Variants in WWTR1 observed in about 807,000 individuals in gnomAD.
WWTR1 encodes the protein WW domain-containing transcription regulator protein 1.
In WWTR1, 13 loss-of-function variants were observed where a neutral mutation model predicts 40.1. The ratio of observed to expected loss-of-function variants is 0.32; its 90% confidence interval spans 0.21 to 0.52. The LOEUF (loss-of-function observed/expected upper bound fraction) is 0.52, where lower values mean the gene tolerates loss of function less well. Ranked by LOEUF, WWTR1 falls within the 20% of genes least tolerant of loss-of-function variation. The probability of loss-of-function intolerance (pLI) is 0.97; values close to 1 mark genes in which losing one functional copy is unlikely to be tolerated. For synonymous variants in WWTR1, 230 were observed against 210.1 expected (o/e 1.09, Z -0.82); for missense variants, 436 against 523.1 (o/e 0.83, Z 1.63).
At chr3:149,695,703 G>A (rs1328508369) in intron 1 of WWTR1, among the ~76,000 whole-genome samples, 5 of 149,566 alleles carry the variant, frequency 3.3e-5, no homozygotes, top group Non-Finnish European at 5.9e-5. Flanking sequence ...AGAGGCTGCA[G>A]TGAGCCGAGA....
chr3:149,557,868 C>T (rs1290112510), intron 3 of WWTR1, among the ~76,000 whole-genome samples: 4 of 151,528 alleles, frequency 2.6e-5, no homozygotes, highest in South Asian at 2.1e-4. Context: ...ACAAGCGTGG[C>T]GGTGTGTGCC....
At chr3:149,578,126 C>T (rs1286561698) in intron 2 of WWTR1, among the ~76,000 whole-genome samples, 3 of 151,806 alleles carry the variant, frequency 2.0e-5, no homozygotes, top group African/African-American at 7.3e-5. Flanking sequence ...AACAGCACAA[C>T]TCACATAGGC....
chr3:149,618,572 C>T (rs758277280), intron 2 of WWTR1, among the ~76,000 whole-genome samples: 19 of 152,070 alleles, frequency 1.2e-4, no homozygotes, highest in Non-Finnish European at 2.2e-4. Context: ...GATGTGGTCC[C>T]CACATATCTA....
At chr3:149,645,041 C>T (rs951146661) in intron 2 of WWTR1, among the ~76,000 whole-genome samples, 9 of 151,734 alleles carry the variant, frequency 5.9e-5, no homozygotes, top group African/African-American at 9.7e-5. Flanking sequence ...TTAGTAGATA[C>T]GGGGTTTCAC....
At chr3:149,560,748 T>C (rs1737046299) in intron 3 of WWTR1, among the ~76,000 whole-genome samples, 2 of 152,030 alleles carry the variant, frequency 1.3e-5, no homozygotes, top group South Asian at 4.2e-4. Context: ...AATATAATAC[T>C]GAAAAGGAAA....
intron 5 of WWTR1, among the ~76,000 whole-genome samples, 162 bp downstream of exon 5, chr3:149,527,674 C>T (rs1226882121): frequency 6.6e-6 from 1 of 152,050 alleles, no homozygotes; most frequent in Non-Finnish European, 1.5e-5. Flanking sequence ...GATGATTTCC[C>T]CTGCTTTTCT....
intron 2 of WWTR1, among the ~76,000 whole-genome samples, chr3:149,654,736 C>A (rs1713095871): frequency 6.6e-6 from 1 of 152,162 alleles, no homozygotes; most frequent in South Asian, 2.1e-4. Flanking sequence ...ATTAGGCAAG[C>A]CTAGCTCCTA....
chr3:149,519,530 CT>C lies in WWTR1; in HGVS notation c.*1274del, dbSNP rs1734943826. 1 of 152,336 alleles carries C rather than the reference CT, an allele frequency of 6.6e-6. No homozygotes were observed. Among genetic ancestry groups the C allele is most frequent in the East Asian group, 1.9e-4 (1 of 5,186 alleles). 9.4% of individuals were successfully genotyped at this position (152,336 alleles called of 1,614,324 possible). A position where few individuals can be genotyped will look rare whatever the true frequency, so the allele number is the denominator to read the frequency against. ...GTGTGGTGTGCTATCAGGTTGAAAT[CT>C]ATGTTGTCCTGATGTTTTCAGAGTT... On this transcript the variant is annotated 3_prime_UTR_variant, in exon 7 of 7. Transcript: ENST00000360632.
rs370201770 is a variant in WWTR1 at position 149,628,442 on chromosome 3, A to G, written c.431+28434T>C. ...TTTGTGAGCTGCATGCTTTGCAACA[A>G]GGAAACTCAAACAAATACTGCTCTA... On this transcript the variant is annotated intron_variant, in intron 2 of 6. Transcript: ENST00000360632. Among the ~76,000 whole-genome samples the G allele has an allele frequency of 3.3e-5, 5 of 150,090 alleles. No homozygotes were observed. In the East Asian group the frequency reaches 9.6e-4, roughly 29 times the overall value.
intron 3 of WWTR1, among the ~76,000 whole-genome samples, chr3:149,569,236 C>A (rs1737509903): frequency 6.6e-6 from 1 of 152,142 alleles, no homozygotes; most frequent in African/African-American, 2.4e-5. Flanking sequence ...CATTTTTATT[C>A]TAGAAAGCAC....
intron 4 of WWTR1, among the ~76,000 whole-genome samples, chr3:149,530,326 C>A (rs562883928): frequency 2.7e-5 from 4 of 148,022 alleles, no homozygotes; most frequent in Non-Finnish European, 5.9e-5. Flanking sequence ...CCAGCCTGGG[C>A]GACAAAGCGA....
In WWTR1 at chr3:149,558,195, G is replaced by C. The variant is rs114366010; in HGVS notation, c.568+14669C>G. Among the ~76,000 whole-genome samples the C allele has an allele frequency of 4.1e-3, 618 of 151,938 alleles. 6 individuals carry two copies. Among genetic ancestry groups the C allele is most frequent in the African/African-American group, 0.014 (587 of 41,430 alleles). ...AGTCTAGGACTCAGAATGAAGTGAAGGAGAAATGGGTTTTTTGTGGTCTTG... is the reference window on the plus strand; with the variant it reads ...AGTCTAGGACTCAGAATGAAGTGAACGAGAAATGGGTTTTTTGTGGTCTTG... On this transcript the variant is annotated intron_variant, in intron 3 of 6. Coordinates refer to ENST00000360632, the MANE Select transcript of WWTR1 (RefSeq NM_015472.6).
chr3:149,689,606 A>T (rs1223412722), intron 1 of WWTR1, among the ~76,000 whole-genome samples: 1 of 152,078 alleles, frequency 6.6e-6, no homozygotes, highest in African/African-American at 2.4e-5. Flanking sequence ...TGAAAGAAAA[A>T]AATGTTTATC....
At chr3:149,643,665 T>C (rs1186346648) in intron 2 of WWTR1, among the ~76,000 whole-genome samples, 1 of 152,176 alleles carries the variant, frequency 6.6e-6, no homozygotes, top group Non-Finnish European at 1.5e-5. Context: ...ATTTTCCTTA[T>C]TTTTCTGTCT....
chr3:149,549,057 A>G (rs934049760), intron 3 of WWTR1, among the ~76,000 whole-genome samples: 1 of 152,240 alleles, frequency 6.6e-6, no homozygotes, highest in Non-Finnish European at 1.5e-5. Flanking sequence ...AGATAATTAA[A>G]CAAATAAATG....
intron 2 of WWTR1, among the ~76,000 whole-genome samples, chr3:149,603,022 C>T (rs1410166242): frequency 6.6e-6 from 1 of 152,098 alleles, no homozygotes; most frequent in East Asian, 1.9e-4. Flanking sequence ...AACCAGGCTT[C>T]TTTCTACTCT....
At chr3:149,566,155 G>A (rs188175272) in intron 3 of WWTR1, among the ~76,000 whole-genome samples, 19 of 152,108 alleles carry the variant, frequency 1.2e-4, no homozygotes, top group African/African-American at 2.7e-4. Flanking sequence ...ATGGTGAGAC[G>A]CCCCAATCTC....
In WWTR1 at chr3:149,594,950, C is replaced by CCTTTTTTTTTTTTTTTTT. The variant is rs1738915943; in HGVS notation, c.432-21951_432-21950insAAAAAAAAAAAAAAAAAG. On this transcript the variant is annotated intron_variant, in intron 2 of 6. Coordinates refer to ENST00000360632, the MANE Select transcript of WWTR1 (RefSeq NM_015472.6). ...CATATTGCCTATAACCTCTTTTTTA[C>CCTTTTTTTTTTTTTTTTT]TTTTTTTTTTTTTTTTTTTTTTTTT... Among the ~76,000 whole-genome samples the CCTTTTTTTTTTTTTTTTT allele has an allele frequency of 4.9e-5, 3 of 61,772 alleles. 1 individual carries two copies. The highest frequency in any genetic ancestry group is 1.7e-4 in the African/African-American group (3 of 18,086). 40.5% of individuals were successfully genotyped at this position (61,772 alleles called of 152,430 possible).
At chr3:149,626,595 A>G (rs188972453) in intron 2 of WWTR1, among the ~76,000 whole-genome samples, 2 of 152,162 alleles carry the variant, frequency 1.3e-5, no homozygotes, top group Admixed American at 1.3e-4. Flanking sequence ...AGCATTGAAA[A>G]TCCCAAAGCA....
Sources: gnomAD v4.1 joint callset for allele counts (sites outside exome capture counted in the v4.1 genomes callset) on GRCh38, gnomAD v4.1.1 for gene constraint, MANE v1.5 for transcripts, NCBI Gene and HGNC (gene_info 2026-07-23, HGNC 2026-07-21) for gene names.